LRRC72: variants seen among roughly 807,000 people sequenced by gnomAD.
The protein encoded by LRRC72 is leucine-rich repeat-containing protein 72.
Under a neutral mutation model 35.8 loss-of-function variants are expected in LRRC72, and 41 were observed. The observed-to-expected ratio is 1.15, with a 90% CI of 0.89 to 1.49. The LOEUF (loss-of-function observed/expected upper bound fraction) is 1.49. LRRC72 is among the 40% of genes most tolerant of loss of function. The probability of loss-of-function intolerance (pLI) is 0.00; values close to 1 mark genes in which losing one functional copy is unlikely to be tolerated. For synonymous variants in LRRC72, 118 were observed against 119.2 expected, an observed-to-expected ratio of 0.99 and a Z score of 0.07; for missense variants, 389 against 330.7, an observed-to-expected ratio of 1.18 and a Z score of -1.37.
intron 2 of LRRC72, among the ~76,000 whole-genome samples, chr7:16,536,072 C>T (rs1045271039): frequency 2.0e-5 from 3 of 151,994 alleles, no homozygotes; most frequent in Non-Finnish European, 4.4e-5. Context: ...GGGGTTTCAC[C>T]ATGTTGGCTA....
At chr7:16,539,575 G>C (rs1298050389) in intron 3 of LRRC72, among the ~76,000 whole-genome samples, 1 of 152,220 alleles carries the variant, frequency 6.6e-6, no homozygotes, top group Non-Finnish European at 1.5e-5. Context: ...TGTAAGTAAG[G>C]AGGAGCCAAA....
At chr7:16,578,424 A>C (rs879452411) in intron 7 of LRRC72, among the ~76,000 whole-genome samples, 2 of 151,848 alleles carry the variant, frequency 1.3e-5, no homozygotes, top group Non-Finnish European at 2.9e-5. Flanking sequence ...AGTGAGGCAG[A>C]GGTTGCAGTG....
intron 5 of LRRC72, among the ~76,000 whole-genome samples, chr7:16,564,364 A>G: frequency 6.6e-6 from 1 of 152,090 alleles, no homozygotes; most frequent in East Asian, 1.9e-4. Flanking sequence ...CTCGAACTAC[A>G]ATTCATGATC....
At chr7:16,576,358 A>C (rs1783040715) in intron 7 of LRRC72, among the ~76,000 whole-genome samples, 1 of 152,222 alleles carries the variant, frequency 6.6e-6, no homozygotes, top group Admixed American at 6.5e-5. Flanking sequence ...TCTAAGAGAA[A>C]TATGAATTAT....
intron 7 of LRRC72, among the ~76,000 whole-genome samples, chr7:16,569,426 A>C (rs1212507075): frequency 6.6e-6 from 1 of 152,020 alleles, no homozygotes; most frequent in Non-Finnish European, 1.5e-5. Context: ...AAAAAACAAA[A>C]AAACAAGGAC....
chr7:16,534,703 G>A (rs73076800), intron 2 of LRRC72, among the ~76,000 whole-genome samples: 28,996 of 151,952 alleles, frequency 0.19, 2,824 homozygotes, highest in Non-Finnish European at 0.2. Context: ...TCCTCTGAGT[G>A]GGGCATGAGA....
At chr7:16,533,512 GTAT>G (rs989067975) in intron 2 of LRRC72, among the ~76,000 whole-genome samples, 9 of 152,126 alleles carry the variant, frequency 5.9e-5, no homozygotes, top group African/African-American at 2.2e-4. Context: ...TGAATTCTGT[GTAT>G]TATTTTTAAA....
At chr7:16,556,349 G>C (rs752395328) in intron 3 of LRRC72, among the ~76,000 whole-genome samples, 2 of 152,194 alleles carry the variant, frequency 1.3e-5, no homozygotes, top group Non-Finnish European at 2.9e-5. Flanking sequence ...CAAAACTCTA[G>C]TGTTCAAGTG....
intron 7 of LRRC72, among the ~76,000 whole-genome samples, chr7:16,577,241 G>C (rs2128339368): frequency 6.6e-6 from 1 of 152,276 alleles, no homozygotes; most frequent in South Asian, 2.1e-4. Context: ...AGTCAACAGA[G>C]CTTCCATGTT....
intron 3 of LRRC72, among the ~76,000 whole-genome samples, chr7:16,538,023 A>G (rs1245326398): frequency 1.3e-5 from 2 of 152,114 alleles, no homozygotes; most frequent in Admixed American, 6.6e-5. Context: ...CAGCCCCATA[A>G]CCTTTTTCAT....
intron 7 of LRRC72, among the ~76,000 whole-genome samples, chr7:16,570,959 C>G (rs545460603): frequency 3.6e-4 from 54 of 151,626 alleles, no homozygotes; most frequent in Admixed American, 2.4e-3. Flanking sequence ...AGAAGAGATT[C>G]CCTGGTTTTT....
At chr7:16,566,094 T>A (rs1318234009) in intron 5 of LRRC72, among the ~76,000 whole-genome samples, 1 of 152,230 alleles carries the variant, frequency 6.6e-6, no homozygotes, top group African/African-American at 2.4e-5. Context: ...TAGTGGATAG[T>A]AAGCACTTGG....
chr7:16,547,335 C>T (rs1324893442), intron 3 of LRRC72, among the ~76,000 whole-genome samples: 1 of 152,116 alleles, frequency 6.6e-6, no homozygotes, highest in African/African-American at 2.4e-5. Context: ...AGTCCCAAGG[C>T]AGAGCTGGGA....
At chr7:16,547,056 C>T (rs1338723267) in intron 3 of LRRC72, among the ~76,000 whole-genome samples, 1 of 152,160 alleles carries the variant, frequency 6.6e-6, no homozygotes, top group African/African-American at 2.4e-5. Flanking sequence ...GCACCACCTC[C>T]ACCCTCGCAC....
chr7:16,540,250 T>C (rs1296802130), intron 3 of LRRC72, among the ~76,000 whole-genome samples: 5 of 152,196 alleles, frequency 3.3e-5, no homozygotes. Context: ...AGTTTTAAGA[T>C]TTACTGACTG....
At chr7:16,580,014 G>A in intron 7 of LRRC72, 60 bp from the exon 8 acceptor site, 1 of 373,152 alleles carries the variant, frequency 2.7e-6, no homozygotes, top group South Asian at 2.3e-5. Context: ...TTGTTCCACT[G>A]TTTTTAAATG....
intron 3 of LRRC72, among the ~76,000 whole-genome samples, chr7:16,541,507 A>C (rs1782356469): frequency 6.6e-6 from 1 of 152,248 alleles, no homozygotes; most frequent in African/African-American, 2.4e-5. Context: ...CATAAGCTTG[A>C]AATAATTTCT....
intron 1 of LRRC72, 73 bp from the exon 2 acceptor site, chr7:16,532,422 G>A (rs1782183162): frequency 7.9e-6 from 8 of 1,006,630 alleles, no homozygotes; most frequent in Non-Finnish European, 1.2e-5. Flanking sequence ...AGACGTTATT[G>A]TTACTGACTG....
At position 16,567,525 on chromosome 7, in the gene LRRC72, G is replaced by C; in HGVS notation, c.652G>C (p.Ala218Pro). 1 of 1,354,246 alleles carries C rather than the reference G, an allele frequency of 7.4e-7. No individual in the cohort carries two copies. The highest frequency in any genetic ancestry group is 9.7e-7 in the Non-Finnish European group (1 of 1,032,922). The allele number at this position is 1,354,246 out of a possible 1,614,324, so 83.9% of individuals were successfully genotyped here. Residue 218 changes from alanine to proline, a missense_variant, in exon 7 of 9, where the codon GCC becomes CCC. Ala to Pro is a conservative substitution (Grantham distance 27, BLOSUM62 -1). Transcript: ENST00000401542. ...DPKSPFKQKP[A>P]QRVPSDFAFA... The stretch of plus-strand genomic sequence containing the variant: ...TAAATCACCATTTAAGCAAAAACCA[G>C]CCCAGAGAGTACCTTCAGGTATTTC...
Sources: allele counts gnomAD v4.1 joint callset (sites outside exome capture counted in the v4.1 genomes callset), GRCh38; gene constraint gnomAD v4.1.1; transcripts MANE v1.5; gene names NCBI Gene and HGNC (gene_info 2026-07-23, HGNC 2026-07-21).